Variants in NCOA2 observed in about 807,000 individuals in gnomAD.
The protein encoded by NCOA2 is nuclear receptor coactivator 2.
In NCOA2, 21 loss-of-function variants were observed where a neutral mutation model predicts 145.1. That is an observed-to-expected ratio of 0.14 (90% CI 0.10 to 0.21). NCOA2 has a LOEUF of 0.21. Ranked by LOEUF, NCOA2 falls within the 10% of genes least tolerant of loss-of-function variation. The probability of loss-of-function intolerance (pLI) is 1.00; values close to 1 mark genes in which losing one functional copy is unlikely to be tolerated. For missense variants in NCOA2, 1,472 were observed against 1,837.6 expected (o/e 0.80, Z 3.64); for synonymous variants, 619 against 637.5 (o/e 0.97, Z 0.44).
chr8:70,218,562 C>G (rs530584423), intron 2 of NCOA2, among the ~76,000 whole-genome samples: 19 of 152,266 alleles, frequency 1.2e-4, no homozygotes, highest in African/African-American at 4.1e-4. Context: ...CCAGCCTGAA[C>G]AACGTATCAA....
chr8:70,129,687 T>C (rs1808868369), intron 16 of NCOA2, among the ~76,000 whole-genome samples: 2 of 152,224 alleles, frequency 1.3e-5, no homozygotes, highest in South Asian at 2.1e-4. Flanking sequence ...CTTTTTTTTT[T>C]TGAGACGGAG....
At chr8:70,330,646 G>GA (rs1209962867) in intron 1 of NCOA2, among the ~76,000 whole-genome samples, 2 of 149,982 alleles carry the variant, frequency 1.3e-5, no homozygotes, top group African/African-American at 2.4e-5. Flanking sequence ...GGCAGTCATA[G>GA]AAAAAAATCA....
At chr8:70,249,963 C>CAAAAAAAAAAAAAAAAA in intron 2 of NCOA2, among the ~76,000 whole-genome samples, 1 of 75,226 alleles carries the variant, frequency 1.3e-5, no homozygotes, top group Non-Finnish European at 2.4e-5. Flanking sequence ...AATCTGCCTC[C>CAAAAAAAAAAAAAAAAA]AAAAAAAAAA....
At chr8:70,367,145 T>C (rs932317908) in intron 1 of NCOA2, among the ~76,000 whole-genome samples, 1 of 152,202 alleles carries the variant, frequency 6.6e-6, no homozygotes, top group Non-Finnish European at 1.5e-5. Flanking sequence ...ATTATTGTTT[T>C]AGAAATAAAC....
chr8:70,252,338 G>C (rs1449163470), intron 2 of NCOA2, among the ~76,000 whole-genome samples: 1 of 152,220 alleles, frequency 6.6e-6, no homozygotes, highest in African/African-American at 2.4e-5. Context: ...ATTTTGGGAG[G>C]CTGAGGTCAG....
intron 1 of NCOA2, among the ~76,000 whole-genome samples, chr8:70,350,785 A>C (rs910090233): frequency 4.6e-5 from 7 of 152,222 alleles, no homozygotes; most frequent in Middle Eastern, 3.2e-3. Flanking sequence ...CCTGAGTGTT[A>C]AAAATATAGC....
rs1437171684 is a variant in NCOA2, at chr8:70,124,096, G to C, written c.4095-14C>G. Reference sequence around the variant, plus strand: ...TGGGAAAACATGCTGGAATACAATGGAAAGATTGAATGAATGTTACAGCTT... The same window carrying C: ...TGGGAAAACATGCTGGAATACAATGCAAAGATTGAATGAATGTTACAGCTT... On this transcript the variant is annotated splice_polypyrimidine_tract_variant and intron_variant, in intron 20 of 22. Coordinates refer to ENST00000452400, the MANE Select transcript of NCOA2 (RefSeq NM_006540.4). 1.2e-6 allele frequency: 2 copies of C among 1,609,698 alleles called. No homozygotes were observed. The highest frequency in any genetic ancestry group is 1.7e-6 in the Non-Finnish European group (2 of 1,177,058).
At chr8:70,353,825 C>G (rs1381509187) in intron 1 of NCOA2, among the ~76,000 whole-genome samples, 2 of 152,102 alleles carry the variant, frequency 1.3e-5, no homozygotes, top group African/African-American at 2.4e-5. Context: ...GAATTGTTTG[C>G]TGGATATACA....
intron 1 of NCOA2, among the ~76,000 whole-genome samples, chr8:70,342,414 A>G (rs533415682): frequency 6.6e-6 from 1 of 152,274 alleles, no homozygotes; most frequent in East Asian, 1.9e-4. Flanking sequence ...ATAAATTATT[A>G]CCCTCAAAAT....
At chr8:70,284,451 T>C (rs1261789854) in intron 2 of NCOA2, among the ~76,000 whole-genome samples, 2 of 152,188 alleles carry the variant, frequency 1.3e-5, no homozygotes, top group African/African-American at 4.8e-5. Context: ...ATAAATTTTG[T>C]AGTTGTTTAT....
In NCOA2 at chr8:70,148,355, A is replaced by G. The variant is rs772995931; in HGVS notation, c.2523T>C (p.Asn841=). 11 of 1,613,936 alleles carry G rather than the reference A, an allele frequency of 6.8e-6. No homozygotes were observed. Among genetic ancestry groups the G allele is most frequent in the South Asian group, 1.1e-5 (1 of 91,094 alleles). The change falls in exon 12 of 23, where the codon AAT becomes AAC. Residue 841 remains asparagine (N), a synonymous_variant. Coordinates refer to ENST00000452400, the MANE Select transcript of NCOA2 (RefSeq NM_006540.4). ...AGSVDKQAII[N]DLMQLTAENS... ...TTTCAGCTGTGAGTTGCATGAGGTC[A>G]TTGATGATGGCTTGCTTGTCAACTG...
intron 4 of NCOA2, among the ~76,000 whole-genome samples, chr8:70,183,665 T>C (rs901512915): frequency 3.9e-5 from 6 of 152,142 alleles, no homozygotes; most frequent in African/African-American, 1.2e-4. Context: ...TTCCACCCCT[T>C]CTCTTGGAAG....
intron 22 of NCOA2, among the ~76,000 whole-genome samples, chr8:70,118,531 C>A (rs540199890): frequency 7.9e-5 from 12 of 152,240 alleles, no homozygotes; most frequent in Non-Finnish European, 1.2e-4. Context: ...ACAAGAGAAA[C>A]CGCATGGAGA....
At chr8:70,278,136 A>G (rs1825604790) in intron 2 of NCOA2, among the ~76,000 whole-genome samples, 1 of 152,190 alleles carries the variant, frequency 6.6e-6, no homozygotes, top group African/African-American at 2.4e-5. Context: ...TATTCTGGAC[A>G]TTTCATATAA....
chr8:70,130,548 T>TA (rs1808973502), intron 16 of NCOA2, among the ~76,000 whole-genome samples: 1 of 151,802 alleles, frequency 6.6e-6, no homozygotes, highest in African/African-American at 2.4e-5. Context: ...TTTCCTTTCT[T>TA]ATTTCAGGTT....
chr8:70,447,851 C>G, the NCOA2 span, among the ~76,000 whole-genome samples: 100 of 151,968 alleles, frequency 6.6e-4, no homozygotes, highest in African/African-American at 2.4e-3. Flanking sequence ...CACCTTGCTA[C>G]TTTTTGTATT....
chr8:70,316,914 C>T (rs1333760660), intron 1 of NCOA2, among the ~76,000 whole-genome samples: 1 of 152,096 alleles, frequency 6.6e-6, no homozygotes, highest in Admixed American at 6.6e-5. Context: ...AGAGGTGTTG[C>T]CCACCTCTTT....
intron 2 of NCOA2, among the ~76,000 whole-genome samples, chr8:70,267,260 C>T (rs923204677): frequency 2.6e-5 from 4 of 152,194 alleles, no homozygotes; most frequent in South Asian, 4.2e-4. Flanking sequence ...TAGAAAAAGA[C>T]GTATTTTATT....
At chr8:70,267,092 A>G (rs1824662317) in intron 2 of NCOA2, among the ~76,000 whole-genome samples, 1 of 152,184 alleles carries the variant, frequency 6.6e-6, no homozygotes, top group Non-Finnish European at 1.5e-5. Context: ...ACATCTATAC[A>G]AGAACAATGG....
Sources: allele counts gnomAD v4.1 joint callset (sites outside exome capture counted in the v4.1 genomes callset), GRCh38; gene constraint gnomAD v4.1.1; transcripts MANE v1.5; gene names NCBI Gene and HGNC (gene_info 2026-07-23, HGNC 2026-07-21).